Variants in RARB observed in about 807,000 individuals in gnomAD.
The protein encoded by RARB is HBV-activated protein.
A neutral mutation model predicts 51.9 loss-of-function variants in RARB; 17 were observed. The observed-to-expected ratio is 0.33, with a 90% CI of 0.22 to 0.49. The LOEUF is 0.49. Ranked by LOEUF, RARB falls within the 20% of genes least tolerant of loss-of-function variation. The probability of loss-of-function intolerance (pLI) is 0.99; values close to 1 mark genes in which losing one functional copy is unlikely to be tolerated. For missense variants in RARB, 369 were observed against 550.8 expected (o/e 0.67, Z 3.30); for synonymous variants, 215 against 195.4 (o/e 1.10, Z -0.84).
At chr3:25,126,102 T>C (rs763969570) in intron 3 of RARB, among the ~76,000 whole-genome samples, 6 of 152,228 alleles carry the variant, frequency 3.9e-5, no homozygotes, top group Non-Finnish European at 7.3e-5. Flanking sequence ...TTTGCTGCTC[T>C]AGTGTGTGTG....
At chr3:24,846,380 A>G (rs530952435) in intron 1 of RARB, among the ~76,000 whole-genome samples, 1 of 152,354 alleles carries the variant, frequency 6.6e-6, no homozygotes, top group East Asian at 1.9e-4. Flanking sequence ...TTCTTTAAAA[A>G]AATTCCAGGA....
At chr3:25,526,273 A>G (rs1435331595) in intron 3 of RARB, among the ~76,000 whole-genome samples, 1 of 152,194 alleles carries the variant, frequency 6.6e-6, no homozygotes, top group Non-Finnish European at 1.5e-5. Context: ...GAAGTGGTCC[A>G]ATATGTCATT....
chr3:25,207,811 T>C (rs969170415), intron 5 of RARB, among the ~76,000 whole-genome samples: 6 of 152,320 alleles, frequency 3.9e-5, no homozygotes, highest in African/African-American at 1.4e-4. Context: ...GTTAGGCTGT[T>C]CTTGAGTTGC....
At chr3:25,293,268 G>A (rs765470997) in intron 5 of RARB, among the ~76,000 whole-genome samples, 8 of 152,024 alleles carry the variant, frequency 5.3e-5, no homozygotes, top group African/African-American at 9.7e-5. Context: ...CTTACTGGCC[G>A]TGTCAGTCTG....
intron 2 of RARB, among the ~76,000 whole-genome samples, chr3:25,487,460 T>G (rs1696526769): frequency 7.7e-6 from 1 of 129,456 alleles, no homozygotes. Flanking sequence ...TTTAAATAAT[T>G]TATGTCCGGC....
chr3:24,867,545 C>T (rs973970455), intron 2 of RARB, among the ~76,000 whole-genome samples: 5 of 152,256 alleles, frequency 3.3e-5, no homozygotes, highest in Admixed American at 2.6e-4. Flanking sequence ...GAAACCCTTG[C>T]TGCCTAGCAC....
At chr3:24,983,925 A>G (rs1439225769) in intron 2 of RARB, among the ~76,000 whole-genome samples, 1 of 152,248 alleles carries the variant, frequency 6.6e-6, no homozygotes, top group African/African-American at 2.4e-5. Context: ...AAATAGTGCA[A>G]TAAAATAAAC....
intron 5 of RARB, among the ~76,000 whole-genome samples, chr3:25,199,433 A>G (rs1419696802): frequency 1.3e-5 from 2 of 152,106 alleles, no homozygotes; most frequent in Non-Finnish European, 2.9e-5. Flanking sequence ...TACATTTAAA[A>G]ATGACTAAGA....
intron 5 of RARB, among the ~76,000 whole-genome samples, chr3:25,306,155 T>C (rs550044455): frequency 1.3e-5 from 2 of 152,266 alleles, no homozygotes; most frequent in South Asian, 2.1e-4. Flanking sequence ...TGCCCCATTT[T>C]TGGAGAAGGA....
intron 2 of RARB, among the ~76,000 whole-genome samples, chr3:24,932,494 C>T (rs374023459): frequency 2.7e-5 from 4 of 149,840 alleles, no homozygotes; most frequent in African/African-American, 9.8e-5. Context: ...AATAGCAACT[C>T]TAAAGTGCTC....
intron 5 of RARB, among the ~76,000 whole-genome samples, chr3:25,265,596 T>G (rs1036434326): frequency 6.6e-6 from 1 of 152,070 alleles, no homozygotes; most frequent in Non-Finnish European, 1.5e-5. Flanking sequence ...CTTCAGCCTC[T>G]TAAGTAGCTG....
intron 2 of RARB, among the ~76,000 whole-genome samples, chr3:24,920,108 C>T (rs1695187518): frequency 6.6e-6 from 1 of 152,162 alleles, no homozygotes; most frequent in African/African-American, 2.4e-5. Context: ...TTTTCAATAA[C>T]ATTAACAATG....
At chr3:24,831,888 A>G (rs1180233243) in intron 1 of RARB, among the ~76,000 whole-genome samples, 5 of 152,218 alleles carry the variant, frequency 3.3e-5, no homozygotes, top group Non-Finnish European at 4.4e-5. Context: ...GTGATGAAGC[A>G]GTTTTGTTAA....
At chr3:25,467,776 T>G (rs1695502849) in intron 2 of RARB, among the ~76,000 whole-genome samples, 1 of 152,226 alleles carries the variant, frequency 6.6e-6, no homozygotes, top group Non-Finnish European at 1.5e-5. Flanking sequence ...TCTGACAACC[T>G]TATTCACCAA....
intron 3 of RARB, among the ~76,000 whole-genome samples, chr3:25,076,776 C>T (rs779354975): frequency 8.5e-5 from 13 of 152,088 alleles, no homozygotes; most frequent in Admixed American, 7.9e-4. Flanking sequence ...TACATGACCA[C>T]GGAAGTCTTC....
intron 2 of RARB, among the ~76,000 whole-genome samples, chr3:24,996,424 A>G (rs923788046): frequency 2.6e-5 from 4 of 151,514 alleles, no homozygotes; most frequent in Non-Finnish European, 5.9e-5. Context: ...TGTTTTATTG[A>G]TCCTTTGGAT....
chr3:25,052,983 A>G (rs572009980), intron 2 of RARB, among the ~76,000 whole-genome samples: 1 of 152,162 alleles, frequency 6.6e-6, no homozygotes. Flanking sequence ...CCTGGACCCA[A>G]CTTTTAATAG....
intron 2 of RARB, among the ~76,000 whole-genome samples, chr3:24,869,450 T>G (rs1301312170): frequency 6.6e-6 from 1 of 152,144 alleles, no homozygotes; most frequent in East Asian, 1.9e-4. Context: ...GATTCAATAA[T>G]TATAACAAGC....
rs1695908386 is a variant in RARB, at chr3:24,952,192, A to G, written c.-380+93440A>G. Among the ~76,000 whole-genome samples the G allele has an allele frequency of 3.9e-5, 6 of 152,268 alleles. No individual in the cohort carries two copies. The South Asian group carries it at 1.2e-3, about 32-fold the overall frequency. On this transcript the variant is annotated intron_variant, in intron 2 of 11. Transcript: ENST00000383772. ...AGTTCAAGGCCAGTCTGGGTAACAT[A>G]GTGAGACCCTGTCTATTTAAACAAA...
Sources: gnomAD v4.1 joint callset for allele counts (sites outside exome capture counted in the v4.1 genomes callset) on GRCh38, gnomAD v4.1.1 for gene constraint, MANE v1.5 for transcripts, NCBI Gene and HGNC (gene_info 2026-07-23, HGNC 2026-07-21) for gene names.